Variants in RAB2A observed in about 807,000 individuals in gnomAD.
RAB2A encodes the protein RAB2A, member RAS oncogene family, also known as ras-related protein Rab-2A.
In RAB2A, 7 loss-of-function variants were observed where a neutral mutation model predicts 32.5. That is an observed-to-expected ratio of 0.22 (90% CI 0.12 to 0.40). The LOEUF (loss-of-function observed/expected upper bound fraction) is 0.40. RAB2A is among the 10% of genes least tolerant of loss of function. The pLI, the probability that RAB2A is intolerant of heterozygous loss-of-function variation, is 1.00. For missense variants in RAB2A, 108 were observed against 260.7 expected (o/e 0.41, Z 4.03); for synonymous variants, 79 against 85.2 (o/e 0.93, Z 0.40).
intron 5 of RAB2A, among the ~76,000 whole-genome samples, chr8:60,585,147 C>CTAT (rs1803827291): frequency 6.6e-6 from 1 of 152,108 alleles, no homozygotes; most frequent in Admixed American, 6.5e-5. Context: ...ATTTAAAATG[C>CTAT]TATTATATGG....
chr8:60,522,277 A>G lies in RAB2A; in HGVS notation c.46+5024A>G, dbSNP rs11996808. On this transcript the variant is annotated intron_variant, in intron 1 of 7. Transcript: ENST00000262646. ...TTGGTTGAAATGGTAGGAAGACATT[A>G]GTGCTTTGACACAGTGTTTGATTCA... Among the ~76,000 whole-genome samples the G allele has an allele frequency of 7.6e-3, 1,162 of 152,310 alleles. 14 individuals carry two copies. Among genetic ancestry groups the G allele is most frequent in the African/African-American group, 0.026 (1,060 of 41,552 alleles).
chr8:60,519,819 C>T (rs950217629), intron 1 of RAB2A, among the ~76,000 whole-genome samples: 2 of 152,180 alleles, frequency 1.3e-5, no homozygotes, highest in African/African-American at 4.8e-5. Flanking sequence ...ATATTAATAA[C>T]TTAACAGAAG....
intron 1 of RAB2A, among the ~76,000 whole-genome samples, chr8:60,557,699 G>A (rs1807959575): frequency 6.6e-6 from 1 of 151,822 alleles, no homozygotes. Context: ...TCAAGTAACT[G>A]GAACTACAGA....
chr8:60,579,215 G>C (rs1803693614), intron 3 of RAB2A, among the ~76,000 whole-genome samples: 1 of 152,020 alleles, frequency 6.6e-6, no homozygotes. Context: ...GCTAATTTTT[G>C]TATTTTTTGT....
At chr8:60,532,897 A>T (rs1191718568) in intron 1 of RAB2A, among the ~76,000 whole-genome samples, 1 of 152,272 alleles carries the variant, frequency 6.6e-6, no homozygotes, top group Non-Finnish European at 1.5e-5. Context: ...TGCTATGTGC[A>T]GTCCTGGATT....
chr8:60,534,855 GCA>G (rs1481158165), intron 1 of RAB2A, among the ~76,000 whole-genome samples: 1 of 152,004 alleles, frequency 6.6e-6, no homozygotes, highest in Admixed American at 6.6e-5. Context: ...TCTAAGTGGG[GCA>G]GATTTCTACC....
rs1372267520 is a variant in RAB2A, at chr8:60,526,056, T to TATATATATATA, written c.46+8804_46+8805insTATATATATAA. Reference sequence around the variant, plus strand: ...ATATATATATATATATATATATATATAAGTTTTCTGTTGCTAGCATAACAA... The same window carrying TATATATATATA: ...ATATATATATATATATATATATATATATATATATATAAAGTTTTCTGTTGCTAGCATAACAA... On this transcript the variant is annotated intron_variant, in intron 1 of 7. Transcript: ENST00000262646. 5.7e-3 allele frequency among the ~76,000 whole-genome samples: 717 copies of TATATATATATA among 125,440 alleles called. 19 individuals carry two copies. Among genetic ancestry groups the TATATATATATA allele is most frequent in the East Asian group, 0.016 (62 of 3,970 alleles). The allele number at this position is 125,440 out of a possible 152,430, so 82.3% of individuals were successfully genotyped here.
intron 7 of RAB2A, among the ~76,000 whole-genome samples, chr8:60,619,392 C>T (rs1348362639): frequency 1.3e-5 from 2 of 152,090 alleles, no homozygotes; most frequent in Non-Finnish European, 2.9e-5. Context: ...TTTCTGGCTT[C>T]TGAAAGAAAA....
At chr8:60,547,899 C>T (rs1807769035) in intron 1 of RAB2A, among the ~76,000 whole-genome samples, 1 of 124,664 alleles carries the variant, frequency 8.0e-6, no homozygotes, top group African/African-American at 3.2e-5. Flanking sequence ...CTACCTCCCT[C>T]CCGGACGGGG....
chr8:60,569,048 A>G (rs1034551437), intron 2 of RAB2A, among the ~76,000 whole-genome samples: 14 of 152,232 alleles, frequency 9.2e-5, no homozygotes, highest in Non-Finnish European at 1.0e-4. Context: ...CATTTGCCAC[A>G]TAGAATTAAA....
intron 1 of RAB2A, among the ~76,000 whole-genome samples, chr8:60,548,811 C>A (rs1254919930): frequency 1.4e-5 from 2 of 146,518 alleles, no homozygotes; most frequent in Non-Finnish European, 3.0e-5. Context: ...GCTGGCCGGG[C>A]GGGGGGCTGA....
intron 5 of RAB2A, among the ~76,000 whole-genome samples, chr8:60,590,440 C>G (rs1027456521): frequency 6.7e-6 from 1 of 149,500 alleles, no homozygotes; most frequent in Non-Finnish European, 1.5e-5. Flanking sequence ...GAGTTCAAGA[C>G]CAGCGTGAGC....
intron 1 of RAB2A, among the ~76,000 whole-genome samples, chr8:60,527,846 T>C (rs1225015092): frequency 6.6e-6 from 1 of 152,206 alleles, no homozygotes; most frequent in Non-Finnish European, 1.5e-5. Context: ...ATAGCGAGTG[T>C]AAATATACAA....
At position 60,517,071 on chromosome 8, in the gene RAB2A, C is replaced by T; in HGVS notation, c.-137C>T. ...CCGGCTTCCTCACAGCCCCTCACTCCCGGCGGCTGACAGCAGCAGCGGCGG... is the reference window on the plus strand; with the variant it reads ...CCGGCTTCCTCACAGCCCCTCACTCTCGGCGGCTGACAGCAGCAGCGGCGG... On this transcript the variant is annotated 5_prime_UTR_variant, in exon 1 of 8. Transcript: ENST00000262646. The T allele has an allele frequency of 1.1e-6, 1 of 875,828 alleles. No individual in the cohort carries two copies. The highest frequency in any genetic ancestry group is 1.8e-5 in the African/African-American group (1 of 55,864). The allele number at this position is 875,828 out of a possible 1,614,324, so 54.3% of individuals were successfully genotyped here.
At chr8:60,567,425 AACTTTGTAGTGT>A (rs1167619778) in intron 2 of RAB2A, among the ~76,000 whole-genome samples, 1 of 152,080 alleles carries the variant, frequency 6.6e-6, no homozygotes, top group African/African-American at 2.4e-5. Context: ...TAGTTATTGC[AACTTTGTAGTGT>A]ACTTCATACC....
chr8:60,547,496 C>G (rs1291688424), intron 1 of RAB2A, among the ~76,000 whole-genome samples: 1 of 151,700 alleles, frequency 6.6e-6, no homozygotes, highest in African/African-American at 2.4e-5. Flanking sequence ...CCCCTCACCT[C>G]CCGGACAGGG....
chr8:60,619,204 T>A (rs2150440113), intron 7 of RAB2A: 1 of 152,316 alleles, frequency 6.6e-6, no homozygotes, highest in African/African-American at 2.4e-5. Context: ...GATCCTGTTT[T>A]GGTCAACATG....
At chr8:60,613,261 A>G (rs1276728192) in intron 6 of RAB2A, among the ~76,000 whole-genome samples, 1 of 152,182 alleles carries the variant, frequency 6.6e-6, no homozygotes, top group African/African-American at 2.4e-5. Context: ...ATTTAGCACC[A>G]GTACTCCCTT....
intron 1 of RAB2A, among the ~76,000 whole-genome samples, chr8:60,550,016 C>T (rs890861049): frequency 6.6e-6 from 1 of 152,132 alleles, no homozygotes; most frequent in Admixed American, 6.5e-5. Context: ...TTCCTCTTTA[C>T]ATGTGGCTTA....
Sources: allele counts gnomAD v4.1 joint callset (sites outside exome capture counted in the v4.1 genomes callset), GRCh38; gene constraint gnomAD v4.1.1; transcripts MANE v1.5; gene names NCBI Gene and HGNC (gene_info 2026-07-23, HGNC 2026-07-21).